The following TPD52 variants were observed in gnomAD, a reference collection of about 807,000 sequenced individuals.
The protein encoded by TPD52 is prostate and colon associated protein.
A neutral mutation model predicts 31.3 loss-of-function variants in TPD52; 17 were observed. That is an observed-to-expected ratio of 0.54 (90% CI 0.37 to 0.82). TPD52 has a LOEUF of 0.82. Among genes scored for constraint, TPD52 ranks in the 40% least tolerant of loss-of-function variants. The pLI, the probability that TPD52 is intolerant of heterozygous loss-of-function variation, is 0.00. For missense variants in TPD52, 212 were observed against 240.1 expected (o/e 0.88, Z 0.77); for synonymous variants, 83 against 89.6 (o/e 0.93, Z 0.42).
At chr8:80,043,133 G>A (rs1810535272) in intron 6 of TPD52, among the ~76,000 whole-genome samples, 1 of 152,180 alleles carries the variant, frequency 6.6e-6, no homozygotes, top group Non-Finnish European at 1.5e-5. Context: ...ACAAGCTTAT[G>A]AGGTTCAATA....
chr8:80,121,960 C>CCTT (rs35278616), intron 1 of TPD52, among the ~76,000 whole-genome samples: 22 of 150,702 alleles, frequency 1.5e-4, no homozygotes, highest in African/African-American at 5.4e-4. Flanking sequence ...TTATGTTTAT[C>CCTT]ATTATTTCTA....
At chr8:80,098,804 A>G (rs1313618279) in intron 1 of TPD52, among the ~76,000 whole-genome samples, 1 of 152,236 alleles carries the variant, frequency 6.6e-6, no homozygotes. Flanking sequence ...ATCAAACAGC[A>G]TTGTATGCTA....
chr8:80,134,800 T>A (rs966910053), intron 1 of TPD52, among the ~76,000 whole-genome samples: 5 of 152,120 alleles, frequency 3.3e-5, no homozygotes, highest in African/African-American at 1.2e-4. Context: ...TTGACCACAG[T>A]CTCACGAGAG....
chr8:80,053,805 G>A (rs1320272942), intron 2 of TPD52, among the ~76,000 whole-genome samples: 1 of 152,124 alleles, frequency 6.6e-6, no homozygotes, highest in East Asian at 1.9e-4. Context: ...TCCCAGCCTA[G>A]ACATTTCTAT....
intron 1 of TPD52, chr8:80,080,515 C>T: frequency 3.1e-6 from 5 of 1,592,460 alleles, no homozygotes; most frequent in Admixed American, 1.7e-5. Flanking sequence ...AGTTGAGTGC[C>T]GCTTTGGCCA....
At chr8:80,169,153 T>C (rs995090603) in intron 1 of TPD52, among the ~76,000 whole-genome samples, 3 of 152,104 alleles carry the variant, frequency 2.0e-5, no homozygotes, top group Admixed American at 1.3e-4. Context: ...CCGAGCTAAT[T>C]TTTGTATTTT....
chr8:80,033,756 G>C (rs1409243220), downstream of TPD52, among the ~76,000 whole-genome samples: 1 of 152,188 alleles, frequency 6.6e-6, no homozygotes, highest in Non-Finnish European at 1.5e-5. Flanking sequence ...ACCCAAAGTG[G>C]TCCTTTCTGC....
chr8:80,072,857 C>T (rs1039785481), intron 1 of TPD52, among the ~76,000 whole-genome samples: 33 of 151,206 alleles, frequency 2.2e-4, no homozygotes, highest in Admixed American at 1.6e-3. Flanking sequence ...AATCCCTGCA[C>T]TTTGGGAGGC....
chr8:80,101,962 G>C (rs1360875531), intron 1 of TPD52, among the ~76,000 whole-genome samples: 1 of 152,166 alleles, frequency 6.6e-6, no homozygotes, highest in Non-Finnish European at 1.5e-5. Context: ...AGAGGAGGAA[G>C]GCAGACAGAG....
intron 1 of TPD52, among the ~76,000 whole-genome samples, chr8:80,167,501 G>A (rs1007954405): frequency 6.6e-6 from 1 of 152,214 alleles, no homozygotes; most frequent in African/African-American, 2.4e-5. Flanking sequence ...AATGCAGGAA[G>A]TGAAGAAGAG....
intron 1 of TPD52, among the ~76,000 whole-genome samples, chr8:80,113,842 ATG>A (rs1807675239): frequency 6.6e-6 from 1 of 152,240 alleles, no homozygotes; most frequent in Non-Finnish European, 1.5e-5. Context: ...GGTGAAGAAT[ATG>A]CTAATTACCC....
intron 6 of TPD52, 101 bp downstream of exon 6, chr8:80,044,066 G>C (rs1810609239): frequency 2.0e-6 from 2 of 1,003,306 alleles, no homozygotes; most frequent in Admixed American, 2.8e-5. Context: ...CTTGTTTCAA[G>C]GGGAATTCTA....
At chr8:80,106,361 T>G (rs531498357) in intron 1 of TPD52, among the ~76,000 whole-genome samples, 56 of 151,878 alleles carry the variant, frequency 3.7e-4, no homozygotes, top group African/African-American at 1.2e-3. Context: ...TTGTTGTGGT[T>G]GTTGTTGTTA....
At chr8:80,091,995 A>G (rs1816311802) in intron 1 of TPD52, among the ~76,000 whole-genome samples, 1 of 152,230 alleles carries the variant, frequency 6.6e-6, no homozygotes, top group Non-Finnish European at 1.5e-5. Flanking sequence ...GACAGATTTT[A>G]TAGCTAAAAA....
intron 7 of TPD52, among the ~76,000 whole-genome samples, chr8:80,040,696 G>A (rs964263334): frequency 6.6e-6 from 1 of 152,014 alleles, no homozygotes; most frequent in Non-Finnish European, 1.5e-5. Context: ...TAACACTTGG[G>A]GCAGATTTCA....
At chr8:80,082,118 CTTT>C (rs376859746) in intron 1 of TPD52, among the ~76,000 whole-genome samples, 3 of 140,296 alleles carry the variant, frequency 2.1e-5, no homozygotes, top group South Asian at 2.2e-4. Flanking sequence ...TATGGTAAGT[CTTT>C]TTTTTTTTTT....
At chr8:80,069,554 G>A (rs10957956) in intron 1 of TPD52, among the ~76,000 whole-genome samples, 1,613 of 152,180 alleles carry the variant, frequency 0.011, 25 homozygotes, top group East Asian at 0.051. Flanking sequence ...ACTTTGGGAG[G>A]CAGAGACAGG....
At chr8:80,072,815 A>ATATATATATATATATATAT (rs1586229273) in intron 1 of TPD52, among the ~76,000 whole-genome samples, 4 of 151,132 alleles carry the variant, frequency 2.6e-5, no homozygotes, top group African/African-American at 9.9e-5. Context: ...ATATATATAT[A>ATATATATATATATATATAT]AACTTGGCCA....
rs536654316 is a variant in TPD52, at chr8:80,166,233, A to C, written c.19+5192T>G. On this transcript the variant is annotated intron_variant, in intron 1 of 7. Transcript: ENST00000518937. ...GAGGCTGAGGCAGGAGAATCACTCG[A>C]ACCCAGGAGGTGGAGGTTGCAGTGA... Among the ~76,000 whole-genome samples the C allele has an allele frequency of 1.2e-3, 180 of 152,222 alleles. 2 individuals carry two copies. The highest frequency in any genetic ancestry group is 4.5e-3 in the Admixed American group (69 of 15,308).
Sources: allele counts gnomAD v4.1 joint callset (sites outside exome capture counted in the v4.1 genomes callset), GRCh38; gene constraint gnomAD v4.1.1; transcripts MANE v1.5; gene names NCBI Gene and HGNC (gene_info 2026-07-23, HGNC 2026-07-21).